Variants in ATG12 observed in about 807,000 individuals in gnomAD.
ATG12 encodes ubiquitin-like protein ATG12.
In ATG12, 19 loss-of-function variants were observed where a neutral mutation model predicts 17.6. That is an observed-to-expected ratio of 1.08 (90% CI 0.75 to 1.58). The LOEUF (loss-of-function observed/expected upper bound fraction) is 1.58. Ranked by LOEUF, ATG12 falls within the 40% of genes most tolerant of loss-of-function variation. ATG12 has a pLI of 0.00. For missense variants in ATG12, 214 were observed against 162.0 expected (o/e 1.32, Z -1.74); for synonymous variants, 75 against 62.4 (o/e 1.20, Z -0.95).
rs373241953 is a variant in ATG12 at position 115,831,782 on chromosome 5, G to T, written c.*22C>A. The T allele has an allele frequency of 3.1e-6, 5 of 1,608,752 alleles. No individual in the cohort carries two copies. The highest frequency in any genetic ancestry group is 4.2e-6 in the Non-Finnish European group (5 of 1,177,534). On this transcript the variant is annotated 3_prime_UTR_variant, in exon 4 of 4. Transcript: ENST00000509910. The stretch of plus-strand genomic sequence containing the variant: ...CCGTGAAAATCCATTTCATGTAGTA[G>T]CAAGTTGATTTTCTTTGTGGTTCAT...
At chr5:115,832,567 C>CTTTT (rs1561450485) in intron 3 of ATG12, 35 bp downstream of exon 3, 6 of 1,066,382 alleles carry the variant, frequency 5.6e-6, no homozygotes, top group Middle Eastern at 4.2e-4. Flanking sequence ...GCAGTAATTT[C>CTTTT]TTTCTTTTTT....
Position 115,831,675 on chromosome 5 carries a change from A to G in ATG12, c.*129T>C. 1 of 831,150 alleles carries G rather than the reference A, an allele frequency of 1.2e-6. No individual in the cohort carries two copies. The allele number at this position is 831,150 out of a possible 1,614,324, so 51.5% of individuals were successfully genotyped here. Reference sequence around the variant, plus strand: ...GCTATGGATGTTTTCTTATGCATAAACATAGAGTAGACACATACTAAATAG... The same window carrying G: ...GCTATGGATGTTTTCTTATGCATAAGCATAGAGTAGACACATACTAAATAG... On this transcript the variant is annotated 3_prime_UTR_variant, in exon 4 of 4. Transcript: ENST00000509910.
At chr5:115,837,450 C>A (rs1292375681) in intron 2 of ATG12, among the ~76,000 whole-genome samples, 178 bp downstream of exon 2, 2 of 147,972 alleles carry the variant, frequency 1.4e-5, no homozygotes, top group Non-Finnish European at 3.0e-5. Flanking sequence ...CCAGCCTGGG[C>A]AACAGAGCGA....
At chr5:115,838,600 T>C (rs1281121229) in intron 1 of ATG12, 4 of 152,242 alleles carry the variant, frequency 2.6e-5, no homozygotes, top group Non-Finnish European at 5.9e-5. Flanking sequence ...CTTATGCTGT[T>C]TGTAACTACC....
chr5:115,836,596 C>G (rs1761111979), intron 2 of ATG12, among the ~76,000 whole-genome samples: 1 of 152,286 alleles, frequency 6.6e-6, no homozygotes, highest in Non-Finnish European at 1.5e-5. Flanking sequence ...TGATAGTTCA[C>G]TTGTTTTACC....
chr5:115,828,641 C>A lies in ATG12; in HGVS notation c.*3163G>T, dbSNP rs1561447311. On this transcript the variant is annotated 3_prime_UTR_variant, in exon 4 of 4. Transcript: ENST00000509910. ...CATATGTTGCAAATATTTTCCATTA[C>A]CTTCTGCTGTACAAAAACTTAAACT... The A allele has an allele frequency of 6.6e-6, 1 of 152,132 alleles. No individual in the cohort carries two copies. Among genetic ancestry groups the A allele is most frequent in the Admixed American group, 6.5e-5 (1 of 15,274 alleles). 9.4% of individuals were successfully genotyped at this position (152,132 alleles called of 1,614,324 possible).
In ATG12 at chr5:115,840,553, C is replaced by T. The variant is rs957286307; in HGVS notation, c.163+837G>A. The T allele has an allele frequency of 5.2e-5, 64 of 1,228,062 alleles. No homozygotes were observed. In the African/African-American group the frequency reaches 9.3e-4, roughly 18 times the overall value. The allele number at this position is 1,228,062 out of a possible 1,614,324, so 76.1% of individuals were successfully genotyped here. ...CCTCAGGTGATCCACCCGCCTCAGC[C>T]TACCAAAGTGCTGGGATTACAGGAG... On this transcript the variant is annotated intron_variant, in intron 1 of 3. Coordinates refer to ENST00000509910, the MANE Select transcript of ATG12 (RefSeq NM_004707.4).
At chr5:115,840,526 G>C (rs138918887) in intron 1 of ATG12, 124 of 959,586 alleles carry the variant, frequency 1.3e-4, no homozygotes, top group Non-Finnish European at 1.6e-4. Context: ...TCGAACTCTT[G>C]ACCTCAGGTG....
rs1580560103 is a variant in ATG12 at position 115,829,722 on chromosome 5, C to T, written c.*2082G>A. On this transcript the variant is annotated 3_prime_UTR_variant, in exon 4 of 4. Coordinates refer to ENST00000509910, the MANE Select transcript of ATG12 (RefSeq NM_004707.4). ...AGGTTCTAGTCACCCAATAACTTAT[C>T]GGATCCAGGCTTAATTATTGTTTAA... is the stretch of plus-strand genomic sequence containing the variant. 1 of 152,144 alleles carries T rather than the reference C, an allele frequency of 6.6e-6. No individual in the cohort carries two copies. The highest frequency in any genetic ancestry group is 1.5e-5 in the Non-Finnish European group (1 of 68,022). 9.4% of individuals were successfully genotyped at this position (152,144 alleles called of 1,614,324 possible). A position where few individuals can be genotyped will look rare whatever the true frequency, so the allele number is the denominator to read the frequency against.
At chr5:115,840,228 G>C (rs1354068935) in intron 1 of ATG12, among the ~76,000 whole-genome samples, 1 of 152,128 alleles carries the variant, frequency 6.6e-6, no homozygotes, top group Non-Finnish European at 1.5e-5. Context: ...GTGGGAAGGG[G>C]GGCAGTCTTG....
rs2112718954 is a variant in ATG12, at chr5:115,832,606, T to TA, written c.358dup (p.Tyr120LeufsTer2). On this transcript the variant is annotated frameshift_variant, in exon 3 of 4. Coordinates refer to ENST00000509910, the MANE Select transcript of ATG12 (RefSeq NM_004707.4). LOFTEE classifies it high-confidence loss of function. ...TTTTTTTTTTTTTTTTTTTACCTCA[T>TA]AGAGAGTTCCAACTTCTTGGTCTGG... The TA allele has an allele frequency of 1.1e-6, 1 of 931,200 alleles. No individual in the cohort carries two copies. Among genetic ancestry groups the TA allele is most frequent in the Middle Eastern group, 3.0e-4 (1 of 3,344 alleles). 57.7% of individuals were successfully genotyped at this position (931,200 alleles called of 1,614,324 possible).
Position 115,841,438 on chromosome 5 carries a change from C to T in ATG12, c.115G>A (p.Ala39Thr). 6.2e-7 allele frequency: 1 copy of T among 1,609,996 alleles called. No homozygotes were observed. The highest frequency in any genetic ancestry group is 8.5e-7 in the Non-Finnish European group (1 of 1,179,060). ...GGTTCCTCTGTTCCCGGGGAAACTG[C>T]AGCGGAAGACGGGGGCTCCGGGGTG... is the stretch of plus-strand genomic sequence containing the variant. ...TTTPEPPSSAAVSPGTEEPAG... is the reference protein window; with the variant it reads ...TTTPEPPSSATVSPGTEEPAG... Residue 39 changes from alanine to threonine, a missense_variant, in exon 1 of 4, where the codon GCA becomes ACA. Transcript: ENST00000509910.
At chr5:115,835,805 C>G (rs560630648) in intron 2 of ATG12, among the ~76,000 whole-genome samples, 13 of 152,296 alleles carry the variant, frequency 8.5e-5, no homozygotes, top group African/African-American at 3.1e-4. Flanking sequence ...TCTTTCAGCA[C>G]AGATGCTGAT....
At chr5:115,841,349 C>G (rs540244973) in intron 1 of ATG12, 41 bp downstream of exon 1, 2 of 1,608,642 alleles carry the variant, frequency 1.2e-6, no homozygotes, top group Non-Finnish European at 1.7e-6. Flanking sequence ...CGGATGCAAT[C>G]TGAACCTCCC....
Position 115,830,341 on chromosome 5 carries a change from C to G in ATG12, c.*1463G>C, listed in dbSNP as rs941870184. 1 of 151,800 alleles carries G rather than the reference C, an allele frequency of 6.6e-6. No individual in the cohort carries two copies. The highest frequency in any genetic ancestry group is 1.5e-5 in the Non-Finnish European group (1 of 67,966). 9.4% of individuals were successfully genotyped at this position (151,800 alleles called of 1,614,324 possible). The stretch of plus-strand genomic sequence containing the variant: ...TCTGAACCCTCAGTGGCAAACAATA[C>G]GAAAATTCAACATATTTTTATTTGT... On this transcript the variant is annotated 3_prime_UTR_variant, in exon 4 of 4. Transcript: ENST00000509910.
chr5:115,832,809 A>G (rs969924111), intron 2 of ATG12, 145 bp from the exon 3 acceptor site: 10 of 689,848 alleles, frequency 1.4e-5, no homozygotes, highest in Non-Finnish European at 2.3e-5. Flanking sequence ...TAAATAGTCA[A>G]TTTAAAGAGA....
intron 2 of ATG12, among the ~76,000 whole-genome samples, chr5:115,837,071 T>C (rs2112726666): frequency 6.6e-6 from 1 of 152,354 alleles, no homozygotes; most frequent in South Asian, 2.1e-4. Flanking sequence ...TGCAATGCTC[T>C]ATGATAGATT....
At position 115,831,521 on chromosome 5, in the gene ATG12, C is replaced by T; in HGVS notation, c.*283G>A. The T allele has an allele frequency of 2.0e-6, 1 of 505,810 alleles. No homozygotes were observed. The highest frequency in any genetic ancestry group is 3.6e-5 in the East Asian group (1 of 27,936). 31.3% of individuals were successfully genotyped at this position (505,810 alleles called of 1,614,324 possible). A position where few individuals can be genotyped will look rare whatever the true frequency, so the allele number is the denominator to read the frequency against. Reference sequence around the variant, plus strand: ...GAAGATGTTTATACAGTCTTAGTCTCCTTTTCAACCTTGGAGGCAGATCTG... The same window carrying T: ...GAAGATGTTTATACAGTCTTAGTCTTCTTTTCAACCTTGGAGGCAGATCTG... On this transcript the variant is annotated 3_prime_UTR_variant, in exon 4 of 4. Coordinates refer to ENST00000509910, the MANE Select transcript of ATG12 (RefSeq NM_004707.4).
intron 1 of ATG12, chr5:115,839,409 T>G (rs1016218230): frequency 6.6e-6 from 1 of 151,996 alleles, no homozygotes; most frequent in Non-Finnish European, 1.5e-5. Flanking sequence ...ACGTGGGATT[T>G]TAGTTAGCCT....
Sources: gnomAD v4.1 joint callset for allele counts (sites outside exome capture counted in the v4.1 genomes callset) on GRCh38, gnomAD v4.1.1 for gene constraint, MANE v1.5 for transcripts, NCBI Gene and HGNC (gene_info 2026-07-23, HGNC 2026-07-21) for gene names.